The following NRG3 variants were observed in gnomAD, a reference collection of about 807,000 sequenced individuals.
The protein encoded by NRG3 is neuregulin 3, also known as pro-neuregulin-3, membrane-bound isoform.
Under a neutral mutation model 66.9 loss-of-function variants are expected in NRG3, and 31 were observed. That is an observed-to-expected ratio of 0.46 (90% CI 0.35 to 0.63). The LOEUF (loss-of-function observed/expected upper bound fraction) is 0.63. Among genes scored for constraint, NRG3 ranks in the 20% least tolerant of loss-of-function variants. The pLI, the probability that NRG3 is intolerant of heterozygous loss-of-function variation, is 0.00. For synonymous variants in NRG3, 393 were observed against 359.4 expected (o/e 1.09, Z -1.06); for missense variants, 910 against 878.9 (o/e 1.04, Z -0.45).
At chr10:82,458,499 G>C (rs190126016) in intron 2 of NRG3, among the ~76,000 whole-genome samples, 1 of 152,228 alleles carries the variant, frequency 6.6e-6, no homozygotes, top group Admixed American at 6.5e-5. Context: ...CTGACAAAAA[G>C]AAAAGTCATT....
intron 3 of NRG3, among the ~76,000 whole-genome samples, chr10:82,801,053 A>G (rs931535787): frequency 1.5e-4 from 23 of 152,214 alleles, no homozygotes; most frequent in Admixed American, 2.6e-4. Flanking sequence ...CAGATAGAGA[A>G]ATAGTGGTAT....
chr10:82,852,523 A>G (rs936742403), intron 3 of NRG3, among the ~76,000 whole-genome samples: 2 of 152,102 alleles, frequency 1.3e-5, no homozygotes, highest in Non-Finnish European at 2.9e-5. Context: ...AAATTAGCTC[A>G]CCTCTCTGAA....
In NRG3 at chr10:82,506,046, G is replaced by A. The variant is rs557515950; in HGVS notation, c.953+147178G>A. Among the ~76,000 whole-genome samples, 84 of 152,204 alleles carry A rather than the reference G, an allele frequency of 5.5e-4. 1 individual carries two copies. In the South Asian group the frequency reaches 0.015, roughly 27 times the overall value. The stretch of plus-strand genomic sequence containing the variant: ...GCGGACCACAATGTCAGGAGACTGA[G>A]ACCATCCTGGCTAACACGGAAAAAC... On this transcript the variant is annotated intron_variant, in intron 2 of 8. Transcript: ENST00000372141.
At chr10:82,530,380 A>C (rs1455329759) in intron 2 of NRG3, among the ~76,000 whole-genome samples, 1 of 152,068 alleles carries the variant, frequency 6.6e-6, no homozygotes, top group East Asian at 1.9e-4. Context: ...AATATGTTTA[A>C]TAAAAGAACT....
At chr10:82,887,947 T>G (rs1842855607) in intron 4 of NRG3, among the ~76,000 whole-genome samples, 1 of 152,234 alleles carries the variant, frequency 6.6e-6, no homozygotes. Context: ...TAAAGGCAAT[T>G]TGTATTATTG....
chr10:82,402,519 G>T (rs2087182459), intron 2 of NRG3, among the ~76,000 whole-genome samples: 1 of 152,214 alleles, frequency 6.6e-6, no homozygotes, highest in South Asian at 2.1e-4. Flanking sequence ...AGTATAACAG[G>T]CCAGATGGTA....
At chr10:82,931,154 T>A (rs1348258065) in intron 4 of NRG3, among the ~76,000 whole-genome samples, 1 of 152,182 alleles carries the variant, frequency 6.6e-6, no homozygotes, top group Non-Finnish European at 1.5e-5. Context: ...CTATCCAATT[T>A]TTGTCTATAC....
intron 2 of NRG3, among the ~76,000 whole-genome samples, chr10:82,538,688 A>AT (rs1163894814): frequency 1.3e-5 from 2 of 151,596 alleles, no homozygotes; most frequent in Non-Finnish European, 2.9e-5. Flanking sequence ...GAATCTCCAC[A>AT]TTTTTTTTCA....
chr10:81,983,001 A>G (rs1226060422), intron 1 of NRG3, among the ~76,000 whole-genome samples: 1 of 152,168 alleles, frequency 6.6e-6, no homozygotes, highest in Non-Finnish European at 1.5e-5. Context: ...TAGTGATTTT[A>G]AAACCATGTT....
At chr10:82,390,480 G>T (rs1359559448) in intron 2 of NRG3, among the ~76,000 whole-genome samples, 2 of 152,010 alleles carry the variant, frequency 1.3e-5, no homozygotes, top group Non-Finnish European at 2.9e-5. Flanking sequence ...ATCATTTAGG[G>T]AAAATTCTCT....
chr10:82,557,923 C>A (rs2044756585), intron 2 of NRG3, among the ~76,000 whole-genome samples: 1 of 152,074 alleles, frequency 6.6e-6, no homozygotes, highest in Admixed American at 6.5e-5. Flanking sequence ...CTTGAAGTCA[C>A]CAGCTGGTGA....
At chr10:82,209,402 A>G (rs1047736030) in intron 1 of NRG3, among the ~76,000 whole-genome samples, 3 of 152,208 alleles carry the variant, frequency 2.0e-5, no homozygotes, top group African/African-American at 7.2e-5. Context: ...TATCTTGTCC[A>G]ATTAAATTCG....
intron 1 of NRG3, among the ~76,000 whole-genome samples, chr10:81,883,170 G>C (rs1842332484): frequency 6.6e-6 from 1 of 152,122 alleles, no homozygotes; most frequent in South Asian, 2.1e-4. Context: ...AGCAGTTACT[G>C]TGAATTAGAT....
chr10:82,189,984 A>AG (rs58971166), intron 1 of NRG3, among the ~76,000 whole-genome samples: 2 of 130,204 alleles, frequency 1.5e-5, no homozygotes, highest in African/African-American at 5.8e-5. Flanking sequence ...ACAAACAAAC[A>AG]AAAAAAACAG....
At chr10:82,694,451 T>G (rs2055211778) in intron 2 of NRG3, among the ~76,000 whole-genome samples, 1 of 152,188 alleles carries the variant, frequency 6.6e-6, no homozygotes, top group Non-Finnish European at 1.5e-5. Flanking sequence ...TGTTTGTGTA[T>G]TTCTTAAGAA....
chr10:81,981,531 G>C (rs1259149772), intron 1 of NRG3, among the ~76,000 whole-genome samples: 2 of 152,088 alleles, frequency 1.3e-5, no homozygotes, highest in African/African-American at 4.8e-5. Flanking sequence ...GTCGTCTTCT[G>C]ATGCCTTGAG....
chr10:82,716,792 T>A (rs1338372659), intron 2 of NRG3, among the ~76,000 whole-genome samples: 2 of 152,154 alleles, frequency 1.3e-5, no homozygotes, highest in Non-Finnish European at 2.9e-5. Context: ...ATTGCAAAGG[T>A]CTTTATACAT....
chr10:82,223,239 A>C (rs1364130767), intron 1 of NRG3, among the ~76,000 whole-genome samples: 1 of 152,204 alleles, frequency 6.6e-6, no homozygotes, highest in Admixed American at 6.5e-5. Context: ...CTGCAGCTGG[A>C]ATGCCGGAGA....
chr10:82,536,453 T>C (rs181195204), intron 2 of NRG3, among the ~76,000 whole-genome samples: 3 of 152,344 alleles, frequency 2.0e-5, no homozygotes, highest in African/African-American at 4.8e-5. Flanking sequence ...ACAGCATATT[T>C]TCCCTTTTGC....
Sources: gnomAD v4.1 joint callset for allele counts (sites outside exome capture counted in the v4.1 genomes callset) on GRCh38, gnomAD v4.1.1 for gene constraint, MANE v1.5 for transcripts, NCBI Gene and HGNC (gene_info 2026-07-23, HGNC 2026-07-21) for gene names.